The following KAZN variants were observed in gnomAD, a reference collection of about 807,000 sequenced individuals.
The protein encoded by KAZN is kazrin, periplakin interacting protein.
A neutral mutation model predicts 87.4 loss-of-function variants in KAZN; 40 were observed. The observed-to-expected ratio is 0.46, with a 90% CI of 0.36 to 0.60. The LOEUF (loss-of-function observed/expected upper bound fraction) is 0.60. Among genes scored for constraint, KAZN ranks in the 20% least tolerant of loss-of-function variants. The probability of loss-of-function intolerance (pLI) is 0.00; values close to 1 mark genes in which losing one functional copy is unlikely to be tolerated. For synonymous variants in KAZN, 466 were observed against 458.3 expected (o/e 1.02, Z -0.22); for missense variants, 898 against 1,073.9 (o/e 0.84, Z 2.29).
chr1:14,472,193 C>T (rs567338762), intron 2 of KAZN, among the ~76,000 whole-genome samples: 3 of 152,204 alleles, frequency 2.0e-5, no homozygotes, highest in Admixed American at 2.0e-4. Context: ...CCTGAAAGGC[C>T]CCACCTGTAC....
chr1:14,428,483 A>G (rs971317104), intron 2 of KAZN, among the ~76,000 whole-genome samples: 4 of 152,264 alleles, frequency 2.6e-5, no homozygotes, highest in African/African-American at 9.6e-5. Context: ...AATTCATTAT[A>G]CTGAGCTCAA....
chr1:14,364,898 T>TTTTTG (rs1229480584), intron 2 of KAZN, among the ~76,000 whole-genome samples: 2 of 152,122 alleles, frequency 1.3e-5, no homozygotes, highest in Non-Finnish European at 1.5e-5. Context: ...TTCCTCTGTT[T>TTTTTG]TTTTGTTTTG....
At chr1:14,828,202 T>C (rs909857384) in intron 1 of KAZN, among the ~76,000 whole-genome samples, 1 of 152,252 alleles carries the variant, frequency 6.6e-6, no homozygotes, top group African/African-American at 2.4e-5. Context: ...TTGTGATCAT[T>C]GTGATCATTT....
chr1:14,418,715 A>G (rs1167526234), intron 2 of KAZN, among the ~76,000 whole-genome samples: 6 of 152,196 alleles, frequency 3.9e-5, no homozygotes, highest in African/African-American at 1.2e-4. Flanking sequence ...TTTGTCTATG[A>G]TCTGATCTCT....
chr1:14,335,821 A>G (rs1657224561), intron 2 of KAZN, among the ~76,000 whole-genome samples: 1 of 152,226 alleles, frequency 6.6e-6, no homozygotes. Flanking sequence ...ACAGAAAGTC[A>G]GAGAAACAGA....
At chr1:14,823,852 G>A (rs187417168) in intron 1 of KAZN, among the ~76,000 whole-genome samples, 5 of 152,272 alleles carry the variant, frequency 3.3e-5, no homozygotes, top group East Asian at 3.9e-4. Context: ...GGTGGCTTGC[G>A]CCTGTGATCC....
At chr1:14,754,757 A>G (rs549723891) in intron 1 of KAZN, among the ~76,000 whole-genome samples, 1 of 152,104 alleles carries the variant, frequency 6.6e-6, no homozygotes, top group East Asian at 1.9e-4. Flanking sequence ...GGAGAGGGAG[A>G]GAAAAGTGTG....
intron 1 of KAZN, among the ~76,000 whole-genome samples, chr1:14,729,259 ACT>A (rs1285461790): frequency 6.6e-6 from 1 of 152,118 alleles, no homozygotes; most frequent in African/African-American, 2.4e-5. Context: ...ACCCAAAGAG[ACT>A]TAGTGACCCT....
intron 1 of KAZN, among the ~76,000 whole-genome samples, chr1:14,070,952 G>C (rs960148889): frequency 2.0e-5 from 3 of 152,134 alleles, no homozygotes; most frequent in African/African-American, 7.2e-5. Context: ...AGCTGCCCAT[G>C]GTGTCATATC....
chr1:14,021,953 CTTTTTTTT>C (rs141959214), intron 1 of KAZN, among the ~76,000 whole-genome samples: 3 of 114,292 alleles, frequency 2.6e-5, no homozygotes, highest in East Asian at 2.7e-4. Flanking sequence ...AATGAACATG[CTTTTTTTT>C]TTTTTTTTTT....
chr1:14,826,512 G>A (rs935854685), intron 1 of KAZN, among the ~76,000 whole-genome samples: 2 of 152,192 alleles, frequency 1.3e-5, no homozygotes, highest in African/African-American at 2.4e-5. Flanking sequence ...GAGCGGCCTT[G>A]CTGCTCCTGG....
At chr1:14,157,554 T>C (rs1437904313) in intron 1 of KAZN, among the ~76,000 whole-genome samples, 2 of 152,212 alleles carry the variant, frequency 1.3e-5, no homozygotes, top group African/African-American at 2.4e-5. Context: ...CTTGCCACTC[T>C]CTCCTGGCCT....
chr1:13,936,728 G>A (rs918634286), intron 1 of KAZN, among the ~76,000 whole-genome samples: 5 of 152,192 alleles, frequency 3.3e-5, no homozygotes, highest in African/African-American at 1.2e-4. Context: ...TGGCTGGGTA[G>A]TATTCCATGG....
chr1:14,124,998 G>A (rs560036408), intron 1 of KAZN, among the ~76,000 whole-genome samples: 12 of 152,316 alleles, frequency 7.9e-5, no homozygotes, highest in Admixed American at 7.2e-4. Context: ...GATTGCAGTA[G>A]CGAGTGGATA....
At chr1:14,955,349 A>G (rs1662962863) in intron 1 of KAZN, among the ~76,000 whole-genome samples, 1 of 152,218 alleles carries the variant, frequency 6.6e-6, no homozygotes, top group Admixed American at 6.5e-5. Context: ...ACCGAGGCCC[A>G]GGGAGAAGTG....
At chr1:13,939,882 G>A (rs36076277) in intron 1 of KAZN, among the ~76,000 whole-genome samples, 2,485 of 152,040 alleles carry the variant, frequency 0.016, 63 homozygotes, top group African/African-American at 0.055. Flanking sequence ...TGGGGGAGGC[G>A]CCTCAGACTT....
chr1:14,041,776 A>G (rs1251918851), intron 1 of KAZN, among the ~76,000 whole-genome samples: 1 of 152,208 alleles, frequency 6.6e-6, no homozygotes, highest in Non-Finnish European at 1.5e-5. Flanking sequence ...ACAGAGTACT[A>G]GAGAATTAAC....
At chr1:15,033,547 G>C (rs1012630877) in intron 2 of KAZN, among the ~76,000 whole-genome samples, 1 of 152,190 alleles carries the variant, frequency 6.6e-6, no homozygotes, top group Non-Finnish European at 1.5e-5. Flanking sequence ...AGTGCATGAG[G>C]ATTCCAGTTT....
chr1:14,188,276 G>A (rs1018930570), intron 2 of KAZN, among the ~76,000 whole-genome samples: 1 of 149,552 alleles, frequency 6.7e-6, no homozygotes, highest in African/African-American at 2.5e-5. Context: ...GCATATATTT[G>A]TACTTTAGTT....
Sources: gnomAD v4.1 joint callset for allele counts (sites outside exome capture counted in the v4.1 genomes callset) on GRCh38, gnomAD v4.1.1 for gene constraint, MANE v1.5 for transcripts, NCBI Gene and HGNC (gene_info 2026-07-23, HGNC 2026-07-21) for gene names.